The following WDR62 variants were observed in gnomAD, a reference collection of about 807,000 sequenced individuals.
WDR62 encodes the protein WD repeat domain 62.
WDR62 carries 112 observed loss-of-function variants against 160.6 expected under a neutral mutation model. The observed-to-expected ratio is 0.70, with a 90% confidence interval of 0.60 to 0.82. The LOEUF (loss-of-function observed/expected upper bound fraction) is 0.82. WDR62 is among the 40% of genes least tolerant of loss of function. WDR62 has a pLI of 0.00. For synonymous variants in WDR62, 792 were observed against 815.1 expected (o/e 0.97, Z 0.48); for missense variants, 1,819 against 1,983.8 (o/e 0.92, Z 1.58).
chr19:36,086,856 T>C, intron 13 of WDR62, 44 bp downstream of exon 13: 2 of 1,594,764 alleles, frequency 1.3e-6, no homozygotes, highest in African/African-American at 1.3e-5. Flanking sequence ...CTAGCTACCC[T>C]GCTAAAAAAG....
At chr19:36,060,126 T>G (rs895746133) in intron 3 of WDR62, 96 bp downstream of exon 3, 1 of 1,217,534 alleles carries the variant, frequency 8.2e-7, no homozygotes, top group African/African-American at 1.5e-5. Context: ...GGGTAGGTGC[T>G]CACTCATTCA....
At chr19:36,064,437 G>A (rs975384291) in intron 3 of WDR62, among the ~76,000 whole-genome samples, 1 of 152,028 alleles carries the variant, frequency 6.6e-6, no homozygotes, top group Non-Finnish European at 1.5e-5. Flanking sequence ...CACCACGCCT[G>A]GCTAATTTTG....
chr19:36,084,401 A>G (rs747351070), intron 11 of WDR62, among the ~76,000 whole-genome samples: 13 of 152,086 alleles, frequency 8.5e-5, no homozygotes, highest in Non-Finnish European at 1.6e-4. Context: ...AGACTGTCCT[A>G]GATCCCTGGG....
At chr19:36,092,612 G>T in intron 18 of WDR62, 77 bp from the exon 19 acceptor site, 1 of 1,599,734 alleles carries the variant, frequency 6.3e-7, no homozygotes, top group South Asian at 1.1e-5. Context: ...GGTGTGGGTG[G>T]CTTCAGGGTC....
At chr19:36,058,453 C>G (rs1182704342) in intron 1 of WDR62, among the ~76,000 whole-genome samples, 1 of 152,248 alleles carries the variant, frequency 6.6e-6, no homozygotes, top group Admixed American at 6.5e-5. Flanking sequence ...TATCTGCTTT[C>G]TTCTCTCTTG....
rs762515258 is a variant in WDR62, at chr19:36,103,860, T to C, written c.4032T>C (p.Phe1344=). Residue 1344 remains phenylalanine, a synonymous_variant, in exon 30 of 32, where the codon TTT becomes TTC. Transcript: ENST00000401500. ...CCCTGAGGCTCCACGGCTCTGCCTTTCGCCCAAGTCTCCCAGCTCCTGAGT... is the reference window on the plus strand; with the variant it reads ...CCCTGAGGCTCCACGGCTCTGCCTTCCGCCCAAGTCTCCCAGCTCCTGAGT... ...ESALRLHGSA[F]RPSLPAPESP... The C allele has an allele frequency of 5.6e-6, 9 of 1,602,864 alleles. No homozygotes were observed. The highest frequency in any genetic ancestry group is 1.1e-5 in the South Asian group (1 of 91,074).
In WDR62 at chr19:36,103,669, C is replaced by T; in HGVS notation, c.3841C>T (p.Gln1281Ter). The T allele has an allele frequency of 1.2e-6, 2 of 1,610,322 alleles. No homozygotes were observed. Among genetic ancestry groups the T allele is most frequent in the Non-Finnish European group, 1.7e-6 (2 of 1,180,002 alleles). ...AACACCCAGTTTGGACAGTGAGGGC[C>T]AAGAGCCTGCCCTGCGTTCCTGGGG... is the stretch of plus-strand genomic sequence containing the variant. ...ATTPSLDSEG[Q>*]EPALRSWGNH... The change falls in exon 30 of 32, where the codon CAA (glutamine) becomes TAA (stop). Residue 1281 changes from glutamine to a stop codon, truncating the protein, a stop_gained. Transcript: ENST00000401500. LOFTEE classifies it high-confidence loss of function.
chr19:36,102,832 A>G lies in WDR62; in HGVS notation c.3316A>G (p.Ser1106Gly), dbSNP rs1389367700. The change falls in exon 27 of 32, where the codon AGC becomes GGC. Residue 1106 changes from serine (S) to glycine (G), a missense_variant. By Grantham distance (56) the Ser-to-Gly change is moderately conservative (BLOSUM62 0). Coordinates refer to ENST00000401500, the MANE Select transcript of WDR62 (RefSeq NM_001083961.2). Reference protein sequence around the residue: ...RLSISTQFLSSLQKASRFTHT... With the variant: ...RLSISTQFLSGLQKASRFTHT... The stretch of plus-strand genomic sequence containing the variant: ...GAGTATCTCCACGCAGTTCCTCTCA[A>G]GCCTCCAGAAGGCATCCAGGTAGAA... 5.0e-6 allele frequency: 8 copies of G among 1,614,168 alleles called. No individual in the cohort carries two copies. The South Asian group carries it at 7.7e-5, about 16-fold the overall frequency.
chr19:36,101,704 AGCC>A lies in WDR62; in HGVS notation c.3013_3015del (p.Ala1005del). 6.4e-7 allele frequency: 1 copy of A among 1,551,150 alleles called. No homozygotes were observed. The highest frequency in any genetic ancestry group is 1.2e-5 in the South Asian group (1 of 84,062). ...AGGCCGACCTGGAGTGCAGCTTCGCAGCCATCCACTCCCCAGCTCCGCCTCCTG... is the reference window on the plus strand; with the variant it reads ...AGGCCGACCTGGAGTGCAGCTTCGCAATCCACTCCCCAGCTCCGCCTCCTG... On this transcript the variant is annotated inframe_deletion, in exon 25 of 32. Transcript: ENST00000401500.
chr19:36,055,981 CA>C (rs1293905114), intron 1 of WDR62, among the ~76,000 whole-genome samples: 2 of 152,168 alleles, frequency 1.3e-5, no homozygotes, highest in African/African-American at 4.8e-5. Context: ...GCCTGGCCAA[CA>C]TGGTGAAACC....
rs1284670753 is a variant in WDR62 at position 36,067,292 on chromosome 19, A to C, written c.562-14A>C. ...TGAGTGCTGGCATGAGCTTCTCTGC[A>C]CTTATTCTTCCAGAAAGACATCGTA... is the stretch of plus-strand genomic sequence containing the variant. On this transcript the variant is annotated splice_polypyrimidine_tract_variant and intron_variant, in intron 5 of 31. Coordinates refer to ENST00000401500, the MANE Select transcript of WDR62 (RefSeq NM_001083961.2). 4 of 1,613,980 alleles carry C rather than the reference A, an allele frequency of 2.5e-6. No homozygotes were observed. Among genetic ancestry groups the C allele is most frequent in the African/African-American group, 1.3e-5 (1 of 74,932 alleles).
chr19:36,105,994 T>C (rs1362954735), downstream of WDR62, among the ~76,000 whole-genome samples: 3 of 152,182 alleles, frequency 2.0e-5, no homozygotes, highest in African/African-American at 7.2e-5. Context: ...CCACCGCACC[T>C]GGCCAAAACC....
Position 36,104,514 on chromosome 19 carries a change from C to A in WDR62, c.4154-4C>A. Reference sequence around the variant, plus strand: ...TCTTGCTCATTCCCTTCTCTCTACCCCAGGTGCACTTGGTCTGTTACAGGG... The same window carrying A: ...TCTTGCTCATTCCCTTCTCTCTACCACAGGTGCACTTGGTCTGTTACAGGG... On this transcript the variant is annotated splice_region_variant and splice_polypyrimidine_tract_variant and intron_variant, in intron 30 of 31. Coordinates refer to ENST00000401500, the MANE Select transcript of WDR62 (RefSeq NM_001083961.2). The A allele has an allele frequency of 1.2e-6, 2 of 1,613,600 alleles. No homozygotes were observed.
chr19:36,088,892 C>T (rs1257480550), intron 13 of WDR62, 146 bp from the exon 14 acceptor site: 2 of 882,136 alleles, frequency 2.3e-6, no homozygotes, highest in South Asian at 1.4e-5. Context: ...CAGAGTCCCA[C>T]CCAGACCCAG....
Position 36,089,146 on chromosome 19 carries a change from T to G in WDR62, c.1837-39T>G, listed in dbSNP as rs756583202. On this transcript the variant is annotated intron_variant, in intron 14 of 31. Coordinates refer to ENST00000401500, the MANE Select transcript of WDR62 (RefSeq NM_001083961.2). ...CTCCTTGGGGGCTGGGGTGGGGGGTTGTCGGGGCATTCTCTGAAGGTCCTG... is the reference window on the plus strand; with the variant it reads ...CTCCTTGGGGGCTGGGGTGGGGGGTGGTCGGGGCATTCTCTGAAGGTCCTG... 4 of 1,612,806 alleles carry G rather than the reference T, an allele frequency of 2.5e-6. No homozygotes were observed. In the East Asian group the frequency reaches 8.9e-5, roughly 36 times the overall value.
At chr19:36,093,637 C>G (rs920265359) in intron 19 of WDR62, among the ~76,000 whole-genome samples, 2 of 152,120 alleles carry the variant, frequency 1.3e-5, no homozygotes, top group Non-Finnish European at 2.9e-5. Context: ...CACTCCACCC[C>G]CAAGCTATGA....
intron 7 of WDR62, among the ~76,000 whole-genome samples, chr19:36,069,480 G>A (rs989297096): frequency 2.0e-5 from 3 of 151,644 alleles, no homozygotes; most frequent in African/African-American, 7.3e-5. Flanking sequence ...AATGGCAGCC[G>A]GGAAGAGGCG....
chr19:36,075,360 T>A (rs943736720), intron 9 of WDR62: 1 of 151,922 alleles, frequency 6.6e-6, no homozygotes, highest in African/African-American at 2.4e-5. Context: ...AGGTTCTATC[T>A]AACTCTAAGG....
intron 8 of WDR62, among the ~76,000 whole-genome samples, chr19:36,072,023 A>G (rs564450426): frequency 3.8e-4 from 58 of 152,344 alleles, no homozygotes; most frequent in South Asian, 1.0e-3. Flanking sequence ...TTCCATCCAC[A>G]TGGCTGACCC....
Sources: allele counts gnomAD v4.1 joint callset (sites outside exome capture counted in the v4.1 genomes callset), GRCh38; gene constraint gnomAD v4.1.1; transcripts MANE v1.5; gene names NCBI Gene and HGNC (gene_info 2026-07-23, HGNC 2026-07-21).